THEMIS: variants seen among roughly 807,000 people sequenced by gnomAD.
The protein encoded by THEMIS is protein THEMIS.
THEMIS carries 37 observed loss-of-function variants against 52.6 expected under a neutral mutation model. The observed-to-expected ratio is 0.70, with a 90% CI of 0.54 to 0.93. The LOEUF is 0.93. Ranked by LOEUF, THEMIS falls within the 40% of genes least tolerant of loss-of-function variation. The pLI, the probability that THEMIS is intolerant of heterozygous loss-of-function variation, is 0.00. For synonymous variants in THEMIS, 292 were observed against 272.7 expected (o/e 1.07, Z -0.70); for missense variants, 808 against 763.1 (o/e 1.06, Z -0.69).
chr6:127,772,210 A>G (rs74852329), intron 4 of THEMIS, among the ~76,000 whole-genome samples: 73 of 151,546 alleles, frequency 4.8e-4, no homozygotes, highest in Admixed American at 1.2e-3. Context: ...TTTTTTTTTA[A>G]TAAGACAGAT....
intron 1 of THEMIS, among the ~76,000 whole-genome samples, chr6:127,863,165 C>T (rs1779862204): frequency 1.3e-5 from 2 of 152,282 alleles, no homozygotes; most frequent in Non-Finnish European, 2.9e-5. Flanking sequence ...TTGTATATAA[C>T]CCAATGGCAG....
rs373827564 is a variant in THEMIS at position 127,813,795 on chromosome 6, G to A, written c.846C>T (p.Pro282=). The change falls in exon 4 of 6, where the codon CCC becomes CCT. Residue 282 remains proline (P), a synonymous_variant. Transcript: ENST00000368248. The stretch of plus-strand genomic sequence containing the variant: ...GTGCTTCTATGACTTCAGTCACTAT[G>A]GGGAACTCTTTACTAGTCATTTCAA... ...DLFEMTSKEF[P]IVTEVIEAPE... is the part of the protein sequence containing the mutation. 11 of 1,613,888 alleles carry A rather than the reference G, an allele frequency of 6.8e-6. No homozygotes were observed. The African/African-American group carries it at 1.3e-4, about 20-fold the overall frequency.
chr6:127,895,555 A>ATG, intron 1 of THEMIS, among the ~76,000 whole-genome samples: 1 of 151,674 alleles, frequency 6.6e-6, no homozygotes, highest in East Asian at 1.9e-4. Flanking sequence ...TGATATAAGT[A>ATG]TGTGTGTGTG....
intron 3 of THEMIS, among the ~76,000 whole-genome samples, chr6:127,824,083 C>G (rs80096248): frequency 0.069 from 10,498 of 152,152 alleles, 383 homozygotes; most frequent in Non-Finnish European, 0.086. Flanking sequence ...AGGCTAAAAA[C>G]ACAGGGATTA....
chr6:127,784,350 GT>G (rs1453762859), intron 4 of THEMIS, among the ~76,000 whole-genome samples: 6 of 151,968 alleles, frequency 3.9e-5, no homozygotes, highest in Non-Finnish European at 8.8e-5. Context: ...AAACCTGCAT[GT>G]TTTGCAGATG....
chr6:127,871,169 G>A (rs1780145371), intron 1 of THEMIS, among the ~76,000 whole-genome samples: 1 of 151,742 alleles, frequency 6.6e-6, no homozygotes, highest in South Asian at 2.1e-4. Context: ...ATCAATAACA[G>A]AAAGATACCA....
rs1310507247 is a variant in THEMIS, at chr6:127,783,937, G to A, written c.1758+28946C>T. On this transcript the variant is annotated intron_variant, in intron 4 of 5. Transcript: ENST00000368248. ...TTCTATTATAAAGGCACATGCACACGTATGTTTATTGCAGCACTGTTCACA... is the reference window on the plus strand; with the variant it reads ...TTCTATTATAAAGGCACATGCACACATATGTTTATTGCAGCACTGTTCACA... Among the ~76,000 whole-genome samples, 2 of 152,122 alleles carry A rather than the reference G, an allele frequency of 1.3e-5. 1 individual carries two copies. The highest frequency in any genetic ancestry group is 6.3e-3 in the Middle Eastern group (2 of 316).
intron 3 of THEMIS, among the ~76,000 whole-genome samples, chr6:127,824,755 C>G (rs567915993): frequency 4.6e-5 from 7 of 152,164 alleles, no homozygotes; most frequent in African/African-American, 9.7e-5. Flanking sequence ...CCTCGGCCCC[C>G]CAAAGTGCTG....
At chr6:127,797,513 G>A (rs1281720586) in intron 4 of THEMIS, among the ~76,000 whole-genome samples, 2 of 152,138 alleles carry the variant, frequency 1.3e-5, no homozygotes, top group Admixed American at 6.5e-5. Flanking sequence ...CCCAGGCAAA[G>A]GGAAGCTCTA....
At chr6:127,795,455 A>G (rs1353411334) in intron 4 of THEMIS, among the ~76,000 whole-genome samples, 1 of 152,070 alleles carries the variant, frequency 6.6e-6, no homozygotes, top group Non-Finnish European at 1.5e-5. Flanking sequence ...CAGCCTCCTG[A>G]GTCGCTGAGA....
At chr6:127,818,518 G>A (rs269995) in intron 3 of THEMIS, among the ~76,000 whole-genome samples, 149,364 of 151,728 alleles carry the variant, frequency 0.98, 73,544 homozygotes, top group East Asian at 1. Context: ...ATAGATAAAC[G>A]TAATATATCA....
intron 4 of THEMIS, among the ~76,000 whole-genome samples, chr6:127,767,233 A>G (rs531170715): frequency 2.6e-5 from 4 of 152,078 alleles, no homozygotes; most frequent in African/African-American, 9.6e-5. Context: ...CTGGGATTAC[A>G]AATGTGCACC....
chr6:127,863,169 A>G (rs1779862383), intron 1 of THEMIS, among the ~76,000 whole-genome samples: 1 of 152,156 alleles, frequency 6.6e-6, no homozygotes, highest in Non-Finnish European at 1.5e-5. Context: ...ATATAACCCA[A>G]TGGCAGTTAT....
intron 1 of THEMIS, among the ~76,000 whole-genome samples, chr6:127,893,689 T>A (rs1780878751): frequency 6.6e-6 from 1 of 152,094 alleles, no homozygotes; most frequent in East Asian, 1.9e-4. Context: ...AATCCAATAC[T>A]ACAGAACCTC....
intron 3 of THEMIS, among the ~76,000 whole-genome samples, chr6:127,822,983 T>C (rs1778391327): frequency 6.6e-6 from 1 of 152,170 alleles, no homozygotes; most frequent in South Asian, 2.1e-4. Context: ...TAAACAAATA[T>C]TTTTATTTAC....
chr6:127,820,243 T>C (rs1389911894), intron 3 of THEMIS, among the ~76,000 whole-genome samples: 1 of 151,740 alleles, frequency 6.6e-6, no homozygotes, highest in East Asian at 1.9e-4. Context: ...AGGGGAAAAA[T>C]AGCATATTTA....
the THEMIS span, among the ~76,000 whole-genome samples, chr6:127,702,616 GTTT>G: frequency 2.8e-4 from 39 of 140,860 alleles, 1 homozygote; most frequent in Middle Eastern, 3.9e-3. Flanking sequence ...TGTCTAACCT[GTTT>G]TTTTTTTTTT....
chr6:127,779,722 A>C (rs989474373), intron 4 of THEMIS, among the ~76,000 whole-genome samples: 8 of 152,146 alleles, frequency 5.3e-5, no homozygotes, highest in Non-Finnish European at 1.5e-5. Context: ...AAATGAGTTA[A>C]AGCTGTGAAA....
chr6:127,718,130 T>G (rs1774235811), intron 5 of THEMIS, among the ~76,000 whole-genome samples: 1 of 151,920 alleles, frequency 6.6e-6, no homozygotes, highest in South Asian at 2.1e-4. Flanking sequence ...ACTTTTGTAT[T>G]TTTATATATA....
Sources: allele counts gnomAD v4.1 joint callset (sites outside exome capture counted in the v4.1 genomes callset), GRCh38; gene constraint gnomAD v4.1.1; transcripts MANE v1.5; gene names NCBI Gene and HGNC (gene_info 2026-07-23, HGNC 2026-07-21).